JCAD: variants seen among roughly 807,000 people sequenced by gnomAD.
The protein encoded by JCAD is junctional cadherin 5 associated.
A neutral mutation model predicts 98.0 loss-of-function variants in JCAD; 40 were observed. The observed-to-expected ratio is 0.41, with a 90% CI of 0.32 to 0.53. The LOEUF (loss-of-function observed/expected upper bound fraction) is 0.53. Ranked by LOEUF, JCAD falls within the 20% of genes least tolerant of loss-of-function variation. The probability of loss-of-function intolerance (pLI) is 0.31; values close to 1 mark genes in which losing one functional copy is unlikely to be tolerated. For missense variants in JCAD, 1,705 were observed against 1,738.1 expected, an observed-to-expected ratio of 0.98 and a Z score of 0.34; for synonymous variants, 691 against 682.3, an observed-to-expected ratio of 1.01 and a Z score of -0.20.
upstream of JCAD, among the ~76,000 whole-genome samples, chr10:30,062,385 G>C (rs1399454507): frequency 6.6e-6 from 1 of 152,104 alleles, no homozygotes; most frequent in Non-Finnish European, 1.5e-5. Context: ...TTCCTGGCAT[G>C]ACTAAGGCCA....
intron 1 of JCAD, among the ~76,000 whole-genome samples, chr10:30,095,657 C>T (rs1838355511): frequency 6.6e-6 from 1 of 152,198 alleles, no homozygotes; most frequent in African/African-American, 2.4e-5. Context: ...GTGGAACTCC[C>T]AGTCCTGATC....
chr10:30,018,948 A>T (rs1836596423), intron 3 of JCAD, among the ~76,000 whole-genome samples: 1 of 152,222 alleles, frequency 6.6e-6, no homozygotes, highest in Non-Finnish European at 1.5e-5. Flanking sequence ...TATGGAAGAG[A>T]TATCTGCACT....
At chr10:30,083,900 C>T (rs937478331) in intron 1 of JCAD, among the ~76,000 whole-genome samples, 2 of 151,966 alleles carry the variant, frequency 1.3e-5, no homozygotes, top group African/African-American at 4.8e-5. Context: ...TGGTACACAC[C>T]TCTAGTCCCA....
At position 30,029,861 on chromosome 10, in the gene JCAD, C is replaced by G; in HGVS notation, c.287G>C (p.Cys96Ser). ...GGACCATGCTGAGGGGGGTTGATTA[C>G]AAAACCTACAAAACAAAGAGTCACA... Reference protein sequence around the residue: ...SASRTSEAGFCNQPPSAWSSH... With the variant: ...SASRTSEAGFSNQPPSAWSSH... Residue 96 changes from cysteine (C) to serine (S), a missense_variant, in exon 3 of 4, where the codon TGT becomes TCT. By Grantham distance (112) the Cys-to-Ser change is moderately radical. Transcript: ENST00000375377. The G allele has an allele frequency of 1.9e-6, 3 of 1,612,358 alleles. No homozygotes were observed. The highest frequency in any genetic ancestry group is 2.5e-6 in the Non-Finnish European group (3 of 1,179,154).
At chr10:30,067,255 T>C (rs1288064615) in intron 2 of JCAD, among the ~76,000 whole-genome samples, 1 of 151,942 alleles carries the variant, frequency 6.6e-6, no homozygotes, top group Admixed American at 6.6e-5. Context: ...GAATGGTGTA[T>C]CAGGCTTTTA....
chr10:30,056,230 T>C (rs1488469620), intron 1 of JCAD, among the ~76,000 whole-genome samples: 8 of 152,202 alleles, frequency 5.3e-5, no homozygotes, highest in Admixed American at 5.2e-4. Context: ...AAATATTCCA[T>C]TAAACTTACC....
At chr10:30,018,637 T>C (rs1002723806) in intron 3 of JCAD, among the ~76,000 whole-genome samples, 3 of 152,116 alleles carry the variant, frequency 2.0e-5, no homozygotes, top group East Asian at 1.9e-4. Flanking sequence ...AGAGCAATCA[T>C]CCTAAACTGC....
intron 1 of JCAD, among the ~76,000 whole-genome samples, chr10:30,082,091 T>A (rs1324788529): frequency 6.6e-6 from 1 of 152,238 alleles, no homozygotes; most frequent in Non-Finnish European, 1.5e-5. Context: ...TTTACCTTTT[T>A]CTTTGAAATG....
At chr10:30,109,009 G>A (rs1045363870) in intron 1 of JCAD, among the ~76,000 whole-genome samples, 1 of 152,084 alleles carries the variant, frequency 6.6e-6, no homozygotes, top group Non-Finnish European at 1.5e-5. Context: ...TTGAAACAAC[G>A]GGAGCCTGAG....
chr10:30,049,292 G>A (rs937362421), intron 1 of JCAD, among the ~76,000 whole-genome samples: 4 of 152,194 alleles, frequency 2.6e-5, no homozygotes, highest in African/African-American at 7.2e-5. Context: ...ACTGGTGGAC[G>A]GAAATAGAGC....
At chr10:30,083,402 A>AT (rs1052254638) in intron 1 of JCAD, among the ~76,000 whole-genome samples, 4 of 152,168 alleles carry the variant, frequency 2.6e-5, no homozygotes, top group Non-Finnish European at 5.9e-5. Flanking sequence ...CTCATGTCAG[A>AT]TTTTCTGTAT....
At chr10:30,082,755 G>T (rs137898454) in intron 1 of JCAD, among the ~76,000 whole-genome samples, 2 of 150,590 alleles carry the variant, frequency 1.3e-5, no homozygotes, top group Non-Finnish European at 2.9e-5. Flanking sequence ...GGAAGCTGAG[G>T]CAGGAGAATT....
chr10:30,047,498 CAAAAG>C (rs1256858064), intron 2 of JCAD, 29 bp downstream of exon 2: 1 of 1,585,982 alleles, frequency 6.3e-7, no homozygotes. Context: ...ACTCCTGAGT[CAAAAG>C]AAAACGGTGG....
chr10:30,113,425 C>G lies in JCAD; in HGVS notation n.128+1942G>C, dbSNP rs548851428. 3.3e-4 allele frequency among the ~76,000 whole-genome samples: 50 copies of G among 151,982 alleles called. No individual in the cohort carries two copies. In the South Asian group the frequency reaches 6.5e-3, roughly 20 times the overall value. On this transcript the variant is annotated intron_variant and non_coding_transcript_variant, in intron 1 of 2. Coordinates refer to the JCAD transcript ENST00000465712. ...AATCAACCGGGCGTGGTGGCAGGCG[C>G]CTGTAATCCCAGCTACTTGGGAGGC...
intron 2 of JCAD, among the ~76,000 whole-genome samples, chr10:30,047,071 A>C (rs763468019): frequency 6.6e-6 from 1 of 152,142 alleles, no homozygotes; most frequent in Middle Eastern, 3.2e-3. Context: ...TGGGCAACAG[A>C]GTGAGACCTT....
intron 1 of JCAD, among the ~76,000 whole-genome samples, chr10:30,049,220 G>C (rs1485605053): frequency 1.3e-5 from 2 of 152,148 alleles, no homozygotes; most frequent in Non-Finnish European, 2.9e-5. Context: ...CTGGGTGAGA[G>C]ACACACAAAA....
Position 30,013,559 on chromosome 10 carries a change from G to A in JCAD, c.*4324C>T, listed in dbSNP as rs1836469781. 1 of 152,174 alleles carries A rather than the reference G, an allele frequency of 6.6e-6. No individual in the cohort carries two copies. Among genetic ancestry groups the A allele is most frequent in the Non-Finnish European group, 1.5e-5 (1 of 68,038 alleles). 9.4% of individuals were successfully genotyped at this position (152,174 alleles called of 1,614,324 possible). Reference sequence around the variant, plus strand: ...TGCTTCTCAACTTGAACTTGCCTTTGTCTCCTTGCTCCGTGACAATGAATG... The same window carrying A: ...TGCTTCTCAACTTGAACTTGCCTTTATCTCCTTGCTCCGTGACAATGAATG... On this transcript the variant is annotated 3_prime_UTR_variant, in exon 4 of 4. Coordinates refer to ENST00000375377, the MANE Select transcript of JCAD (RefSeq NM_020848.4).
chr10:30,087,708 T>C (rs1838187845), intron 1 of JCAD, among the ~76,000 whole-genome samples: 1 of 152,236 alleles, frequency 6.6e-6, no homozygotes, highest in African/African-American at 2.4e-5. Flanking sequence ...ATTTTTTCAG[T>C]AATACAATTG....
intron 2 of JCAD, among the ~76,000 whole-genome samples, chr10:30,035,165 A>T (rs1051557477): frequency 2.6e-5 from 4 of 152,234 alleles, no homozygotes; most frequent in African/African-American, 9.6e-5. Context: ...AAAATGACAG[A>T]AATAGGACAA....
Sources: allele counts gnomAD v4.1 joint callset (sites outside exome capture counted in the v4.1 genomes callset), GRCh38; gene constraint gnomAD v4.1.1; transcripts MANE v1.5; gene names NCBI Gene and HGNC (gene_info 2026-07-23, HGNC 2026-07-21).